Variants in INPP4A observed in about 807,000 individuals in gnomAD.
INPP4A encodes the protein inositol polyphosphate-4-phosphatase, type I, 107kD.
Under a neutral mutation model 119.8 loss-of-function variants are expected in INPP4A, and 33 were observed. That is an observed-to-expected ratio of 0.28 (90% CI 0.21 to 0.37). The LOEUF is 0.37. INPP4A is among the 10% of genes least tolerant of loss of function. INPP4A has a pLI of 1.00. For synonymous variants in INPP4A, 496 were observed against 500.7 expected, an observed-to-expected ratio of 0.99 and a Z score of 0.12; for missense variants, 956 against 1,289.9, an observed-to-expected ratio of 0.74 and a Z score of 3.97.
At chr2:98,473,945 G>C (rs1422214049) in intron 1 of INPP4A, among the ~76,000 whole-genome samples, 1 of 152,118 alleles carries the variant, frequency 6.6e-6, no homozygotes, top group East Asian at 1.9e-4. Flanking sequence ...ATTACAAAGT[G>C]ATATATCGAG....
chr2:98,563,342 T>G, intron 17 of INPP4A, 123 bp from the exon 18 acceptor site: 1 of 885,342 alleles, frequency 1.1e-6, no homozygotes, highest in Non-Finnish European at 1.7e-6. Context: ...AGCTGGAAGA[T>G]GAGGTGGAGA....
chr2:98,588,822 T>C lies in INPP4A; in HGVS notation c.*1214T>C, dbSNP rs1700175467. ...TATGTTTTATTGATTCTGTTTACGA[T>C]GTTTACATGTTCTTGAAAAGGTTGT... is the stretch of plus-strand genomic sequence containing the variant. On this transcript the variant is annotated 3_prime_UTR_variant, in exon 25 of 25. Coordinates refer to ENST00000409851, the MANE Select transcript of INPP4A (RefSeq NM_001134225.2). The C allele has an allele frequency of 9.1e-6, 2 of 219,644 alleles. No individual in the cohort carries two copies. The highest frequency in any genetic ancestry group is 2.2e-5 in the African/African-American group (1 of 44,584). 13.6% of individuals were successfully genotyped at this position (219,644 alleles called of 1,614,324 possible). A position where few individuals can be genotyped will look rare whatever the true frequency, so the allele number is the denominator to read the frequency against.
chr2:98,472,408 T>TA (rs1372493229), intron 1 of INPP4A, among the ~76,000 whole-genome samples: 14 of 152,286 alleles, frequency 9.2e-5, no homozygotes, highest in African/African-American at 3.4e-4. Context: ...TGGATGGAGA[T>TA]AGGGTGAAAC....
chr2:98,544,055 A>G (rs1400980065), intron 11 of INPP4A, 48 bp downstream of exon 11: 1 of 1,504,502 alleles, frequency 6.6e-7, no homozygotes, highest in African/African-American at 1.4e-5. Context: ...GCACACACAC[A>G]CACACACACT....
intron 13 of INPP4A, among the ~76,000 whole-genome samples, chr2:98,548,013 T>A (rs1692777263): frequency 6.6e-6 from 1 of 152,138 alleles, no homozygotes; most frequent in Admixed American, 6.5e-5. Context: ...TGTGCTGCCA[T>A]GGCTGGGAGT....
chr2:98,555,960 G>A, intron 16 of INPP4A, 152 bp downstream of exon 16: 1 of 881,882 alleles, frequency 1.1e-6, no homozygotes, highest in Non-Finnish European at 1.7e-6. Context: ...GCATGGAGCA[G>A]CAGGCAGTGA....
At chr2:98,489,520 A>G (rs1680263478) in intron 1 of INPP4A, among the ~76,000 whole-genome samples, 1 of 152,126 alleles carries the variant, frequency 6.6e-6, no homozygotes, top group Non-Finnish European at 1.5e-5. Context: ...CTGAGGCACC[A>G]AGTGAGGGCT....
At chr2:98,469,193 T>TA (rs1206321641) in intron 1 of INPP4A, among the ~76,000 whole-genome samples, 1 of 151,974 alleles carries the variant, frequency 6.6e-6, no homozygotes, top group Non-Finnish European at 1.5e-5. Flanking sequence ...CAGTGGGCCT[T>TA]AGAGGTTTAG....
At chr2:98,507,465 A>C (rs1684291770) in intron 1 of INPP4A, among the ~76,000 whole-genome samples, 1 of 152,134 alleles carries the variant, frequency 6.6e-6, no homozygotes, top group Non-Finnish European at 1.5e-5. Context: ...CCATTTGGTT[A>C]CTGAAAGTTG....
At chr2:98,479,932 A>G (rs191407906) in intron 1 of INPP4A, among the ~76,000 whole-genome samples, 3 of 152,322 alleles carry the variant, frequency 2.0e-5, no homozygotes, top group African/African-American at 7.2e-5. Flanking sequence ...CTTCCTAGAA[A>G]GCCTGAGACA....
At chr2:98,556,727 G>A (rs1305966662) in intron 16 of INPP4A, among the ~76,000 whole-genome samples, 2 of 152,212 alleles carry the variant, frequency 1.3e-5, no homozygotes, top group Non-Finnish European at 2.9e-5. Context: ...GTATAAGCGT[G>A]CCTCTTGGTC....
At chr2:98,503,104 A>G (rs1296767012) in intron 1 of INPP4A, among the ~76,000 whole-genome samples, 3 of 152,074 alleles carry the variant, frequency 2.0e-5, no homozygotes, top group Non-Finnish European at 4.4e-5. Context: ...ATCTTGACCC[A>G]GCTTTGCCAG....
intron 1 of INPP4A, among the ~76,000 whole-genome samples, chr2:98,454,380 G>A (rs1574470450): frequency 2.0e-5 from 3 of 151,952 alleles, no homozygotes; most frequent in African/African-American, 7.3e-5. Context: ...GCTTTGGCAT[G>A]TCTGTGTTTG....
At chr2:98,458,790 G>C (rs1035865612) in intron 1 of INPP4A, among the ~76,000 whole-genome samples, 43 of 152,310 alleles carry the variant, frequency 2.8e-4, no homozygotes, top group South Asian at 1.2e-3. Context: ...GCATGGCCAG[G>C]GGGGATGTGG....
chr2:98,494,518 C>A (rs1350648528), intron 1 of INPP4A, among the ~76,000 whole-genome samples: 1 of 151,974 alleles, frequency 6.6e-6, no homozygotes, highest in Admixed American at 6.6e-5. Flanking sequence ...CCAACATTTT[C>A]CCAAGTAGGA....
intron 4 of INPP4A, chr2:98,521,625 C>A (rs115990872): frequency 0.015 from 2,359 of 152,394 alleles, 69 homozygotes; most frequent in African/African-American, 0.054. Flanking sequence ...AATTGCAAAA[C>A]CCATAAAAGT....
intron 24 of INPP4A, among the ~76,000 whole-genome samples, chr2:98,585,605 C>T (rs1043738082): frequency 3.9e-5 from 6 of 152,188 alleles, no homozygotes; most frequent in African/African-American, 4.8e-5. Flanking sequence ...TGCCTCGCCC[C>T]GGGCCCTCTT....
intron 1 of INPP4A, among the ~76,000 whole-genome samples, chr2:98,447,589 A>G (rs577413246): frequency 6.6e-6 from 1 of 152,212 alleles, no homozygotes; most frequent in East Asian, 1.9e-4. Flanking sequence ...AGACTTACAG[A>G]AAAGTTGCAA....
At chr2:98,543,461 G>A (rs1691897363) in intron 10 of INPP4A, among the ~76,000 whole-genome samples, 1 of 152,200 alleles carries the variant, frequency 6.6e-6, no homozygotes, top group Non-Finnish European at 1.5e-5. Context: ...ATTACTCACA[G>A]CCTGCAGTCC....
Sources: gnomAD v4.1 joint callset for allele counts (sites outside exome capture counted in the v4.1 genomes callset) on GRCh38, gnomAD v4.1.1 for gene constraint, MANE v1.5 for transcripts, NCBI Gene and HGNC (gene_info 2026-07-23, HGNC 2026-07-21) for gene names.